The following NDUFA12 variants were observed in gnomAD, a reference collection of about 807,000 sequenced individuals.
NDUFA12 encodes NADH:ubiquinone oxidoreductase subunit A12, also known as NADH dehydrogenase [ubiquinone] 1 alpha subcomplex subunit 12.
NDUFA12 carries 17 observed loss-of-function variants against 20.3 expected under a neutral mutation model. The ratio of observed to expected loss-of-function variants is 0.84; its 90% CI spans 0.57 to 1.26. NDUFA12 has a LOEUF of 1.26. Among genes scored for constraint, NDUFA12 ranks in the 50% most tolerant of loss-of-function variants. NDUFA12 has a pLI of 0.00. For missense variants in NDUFA12, 191 were observed against 183.7 expected, an observed-to-expected ratio of 1.04 and a Z score of -0.23; for synonymous variants, 72 against 63.6, an observed-to-expected ratio of 1.13 and a Z score of -0.63.
intron 3 of NDUFA12, among the ~76,000 whole-genome samples, chr12:94,984,997 C>CATAACATAACATAAA (rs1384112485): frequency 4.2e-5 from 1 of 23,918 alleles, no homozygotes; most frequent in Non-Finnish European, 8.6e-5. Context: ...ATTAACATAA[C>CATAACATAACATAAA]ATAACATAAA....
intron 3 of NDUFA12, among the ~76,000 whole-genome samples, chr12:94,974,131 C>T (rs1051432956): frequency 5.3e-5 from 8 of 151,900 alleles, no homozygotes; most frequent in Non-Finnish European, 1.0e-4. Flanking sequence ...GCCATCATGC[C>T]GGGCTAATTT....
intron 3 of NDUFA12, among the ~76,000 whole-genome samples, chr12:94,982,387 C>T (rs753488331): frequency 7.2e-5 from 11 of 151,802 alleles, no homozygotes; most frequent in Non-Finnish European, 1.5e-4. Flanking sequence ...CAGTCTCCTG[C>T]CTCAGCCTCC....
intron 3 of NDUFA12, among the ~76,000 whole-genome samples, chr12:94,987,692 T>C (rs1874492782): frequency 6.7e-6 from 1 of 150,014 alleles, no homozygotes; most frequent in Non-Finnish European, 1.5e-5. Context: ...TCCCACCTAC[T>C]TGGGAGGCTG....
chr12:94,987,776 G>A (rs7134159), intron 3 of NDUFA12, among the ~76,000 whole-genome samples: 109,401 of 139,386 alleles, frequency 0.78, 43,136 homozygotes, highest in African/African-American at 0.83. Flanking sequence ...TGGGTGACAG[G>A]GCAGGACATT....
At chr12:94,988,326 C>T (rs1874522035) in intron 3 of NDUFA12, among the ~76,000 whole-genome samples, 1 of 152,114 alleles carries the variant, frequency 6.6e-6, no homozygotes. Flanking sequence ...GGACAATGTT[C>T]TTGTTTGCAA....
At chr12:94,986,883 T>A (rs955180619) in intron 3 of NDUFA12, among the ~76,000 whole-genome samples, 1 of 152,116 alleles carries the variant, frequency 6.6e-6, no homozygotes, top group Non-Finnish European at 1.5e-5. Flanking sequence ...ACTAGTCAAA[T>A]TGAGCCCAAT....
chr12:94,978,964 A>C (rs1467532323), intron 3 of NDUFA12, among the ~76,000 whole-genome samples: 1 of 152,218 alleles, frequency 6.6e-6, no homozygotes, highest in Non-Finnish European at 1.5e-5. Context: ...GGGAGAAGCA[A>C]GTCAGAAAAT....
chr12:95,002,143 G>A (rs1198989858), intron 2 of NDUFA12, among the ~76,000 whole-genome samples: 1 of 151,604 alleles, frequency 6.6e-6, no homozygotes, highest in Admixed American at 6.6e-5. Flanking sequence ...GGATTTATCA[G>A]CTTGAAAAAT....
At chr12:94,988,792 G>A (rs527887974) in intron 3 of NDUFA12, among the ~76,000 whole-genome samples, 1 of 152,218 alleles carries the variant, frequency 6.6e-6, no homozygotes, top group African/African-American at 2.4e-5. Flanking sequence ...TGGTGCTAAC[G>A]CCATTTTAGG....
At chr12:94,988,649 A>C (rs1874532447) in intron 3 of NDUFA12, among the ~76,000 whole-genome samples, 1 of 152,194 alleles carries the variant, frequency 6.6e-6, no homozygotes, top group African/African-American at 2.4e-5. Context: ...AGAAGCAGGA[A>C]GAGAGCTGGC....
intron 3 of NDUFA12, among the ~76,000 whole-genome samples, chr12:94,982,626 GC>G (rs916499978): frequency 6.6e-6 from 1 of 151,966 alleles, no homozygotes; most frequent in African/African-American, 2.4e-5. Context: ...GGAGATGAGA[GC>G]ATCATGAGAC....
chr12:94,984,874 C>T (rs1041692471), intron 3 of NDUFA12, among the ~76,000 whole-genome samples: 14 of 150,598 alleles, frequency 9.3e-5, no homozygotes, highest in South Asian at 4.2e-4. Context: ...GCTACTCGGG[C>T]GGCTGAGGCA....
intron 3 of NDUFA12, among the ~76,000 whole-genome samples, chr12:94,992,186 G>A (rs1874668105): frequency 6.6e-6 from 1 of 152,204 alleles, no homozygotes; most frequent in Non-Finnish European, 1.5e-5. Context: ...AGCAATCTAT[G>A]AAACAGATAT....
chr12:95,002,807 T>C lies in NDUFA12; in HGVS notation c.101A>G (p.Lys34Arg). The C allele has an allele frequency of 1.2e-6, 2 of 1,613,838 alleles. No homozygotes were observed. Among genetic ancestry groups the C allele is most frequent in the Non-Finnish European group, 8.5e-7 (1 of 1,179,746 alleles). ...GTCTTCCCCCACTAATGTACCAACC[T>C]TCGCATCATTTGTCCTGTGAATACC... ...LRVFFRTNDAKVGTLVGEDKY... is the reference protein window; with the variant it reads ...LRVFFRTNDARVGTLVGEDKY... The change falls in exon 2 of 4, where the codon AAG becomes AGG. Residue 34 changes from lysine (K) to arginine (R), a missense_variant. Coordinates refer to ENST00000327772, the MANE Select transcript of NDUFA12 (RefSeq NM_018838.5).
chr12:94,994,088 C>A, intron 3 of NDUFA12, 82 bp downstream of exon 3: 1 of 1,227,458 alleles, frequency 8.1e-7, no homozygotes, highest in Non-Finnish European at 1.2e-6. Context: ...CATGTCACTG[C>A]ACTCCAGCCT....
intron 3 of NDUFA12, among the ~76,000 whole-genome samples, chr12:94,975,877 G>A (rs947925729): frequency 6.6e-6 from 1 of 152,016 alleles, no homozygotes; most frequent in African/African-American, 2.4e-5. Flanking sequence ...GAGACCCCAT[G>A]TCTACAAAAA....
At chr12:94,989,395 A>G (rs77091870) in intron 3 of NDUFA12, among the ~76,000 whole-genome samples, 12,195 of 152,278 alleles carry the variant, frequency 0.08, 564 homozygotes, top group East Asian at 0.16. Context: ...TCTACACGTG[A>G]TAATACCTAG....
intron 3 of NDUFA12, among the ~76,000 whole-genome samples, chr12:94,982,241 C>T (rs562709765): frequency 1.3e-5 from 2 of 151,888 alleles, no homozygotes; most frequent in African/African-American, 4.8e-5. Context: ...TGACAGCTCA[C>T]CCAGCCGTCC....
At chr12:94,985,497 A>G (rs559554003) in intron 3 of NDUFA12, among the ~76,000 whole-genome samples, 75 of 151,310 alleles carry the variant, frequency 5.0e-4, no homozygotes, top group African/African-American at 1.8e-3. Flanking sequence ...CATGGTGGTC[A>G]GCGCCTGTAG....
Sources: allele counts gnomAD v4.1 joint callset (sites outside exome capture counted in the v4.1 genomes callset), GRCh38; gene constraint gnomAD v4.1.1; transcripts MANE v1.5; gene names NCBI Gene and HGNC (gene_info 2026-07-23, HGNC 2026-07-21).